SEMA3A: variants seen among roughly 807,000 people sequenced by gnomAD.
SEMA3A encodes the protein semaphorin-3A.
Under a neutral mutation model 97.9 loss-of-function variants are expected in SEMA3A, and 29 were observed. The observed-to-expected ratio is 0.30, with a 90% confidence interval of 0.22 to 0.40. The LOEUF is 0.40. Among genes scored for constraint, SEMA3A ranks in the 10% least tolerant of loss-of-function variants. The pLI, the probability that SEMA3A is intolerant of heterozygous loss-of-function variation, is 1.00. For missense variants in SEMA3A, 763 were observed against 951.3 expected, an observed-to-expected ratio of 0.80 and a Z score of 2.60; for synonymous variants, 321 against 323.7, an observed-to-expected ratio of 0.99 and a Z score of 0.09.
chr7:84,462,607 T>C (rs993073116), intron 1 of SEMA3A, among the ~76,000 whole-genome samples: 16 of 152,146 alleles, frequency 1.1e-4, no homozygotes, highest in African/African-American at 3.9e-4. Flanking sequence ...TAATTAGTCA[T>C]GTTCCTTAGA....
Position 84,403,675 on chromosome 7 carries a change from G to A in SEMA3A, c.-245-31775C>T, listed in dbSNP as rs576492921. Reference sequence around the variant, plus strand: ...GGGCGGACTGACACCTCACACAGCCGGGTACTCCTCTGAGACAAAACTTCC... The same window carrying A: ...GGGCGGACTGACACCTCACACAGCCAGGTACTCCTCTGAGACAAAACTTCC... On this transcript the variant is annotated intron_variant, in intron 1 of 3. Coordinates refer to the SEMA3A transcript ENST00000424555. Among the ~76,000 whole-genome samples, 476 of 152,204 alleles carry A rather than the reference G, an allele frequency of 3.1e-3. 3 individuals are homozygous for A. Among genetic ancestry groups the A allele is most frequent in the African/African-American group, 0.011 (440 of 41,534 alleles).
intron 4 of SEMA3A, among the ~76,000 whole-genome samples, chr7:84,073,863 T>TAAA (rs57789538): frequency 0.082 from 8,337 of 101,290 alleles, 860 homozygotes; most frequent in African/African-American, 0.24. Context: ...TAAAAAAAGC[T>TAAA]AAAAAAAAAA....
chr7:84,027,634 A>G (rs1791595441), intron 6 of SEMA3A, among the ~76,000 whole-genome samples: 1 of 152,218 alleles, frequency 6.6e-6, no homozygotes, highest in Non-Finnish European at 1.5e-5. Context: ...CTTGAACTCA[A>G]ACAGACACTA....
At position 84,206,168 on chromosome 7, in the gene SEMA3A, C is replaced by A. The variant is rs539698712; in HGVS notation, c.-82-11500G>T. Among the ~76,000 whole-genome samples, 17 of 152,224 alleles carry A rather than the reference C, an allele frequency of 1.1e-4. No homozygotes were observed. In the East Asian group the frequency reaches 3.3e-3, roughly 29 times the overall value. ...AATTTCATAAAAATTACATGATTGA[C>A]ACTATGGCATTCTTCCCATTCTGAT... On this transcript the variant is annotated intron_variant, in intron 3 of 3. Transcript: ENST00000424555.
At chr7:84,052,642 T>C (rs1416601935) in intron 5 of SEMA3A, among the ~76,000 whole-genome samples, 1 of 152,158 alleles carries the variant, frequency 6.6e-6, no homozygotes, top group Non-Finnish European at 1.5e-5. Flanking sequence ...ATCAATTTTG[T>C]TGATCCTTTC....
At chr7:84,144,077 A>C (rs114936837) in intron 1 of SEMA3A, among the ~76,000 whole-genome samples, 180 of 152,024 alleles carry the variant, frequency 1.2e-3, no homozygotes, top group African/African-American at 4.3e-3. Context: ...AAAGGTATGA[A>C]TACCAGACTA....
chr7:84,171,816 A>G (rs1797391735), intron 1 of SEMA3A, among the ~76,000 whole-genome samples: 1 of 152,186 alleles, frequency 6.6e-6, no homozygotes, highest in South Asian at 2.1e-4. Context: ...TTTTTTTACT[A>G]AAAATTACAT....
intron 2 of SEMA3A, among the ~76,000 whole-genome samples, chr7:84,346,161 G>C (rs1802295053): frequency 6.6e-6 from 1 of 152,148 alleles, no homozygotes; most frequent in Non-Finnish European, 1.5e-5. Context: ...TTCTTCTTCA[G>C]CCTCCTCATC....
intron 1 of SEMA3A, among the ~76,000 whole-genome samples, chr7:84,192,717 A>T (rs1340734442): frequency 6.6e-6 from 1 of 151,980 alleles, no homozygotes; most frequent in African/African-American, 2.4e-5. Context: ...AAAATAAAAA[A>T]GTTTAATTCC....
intron 1 of SEMA3A, among the ~76,000 whole-genome samples, chr7:84,490,324 G>A (rs34884463): frequency 0.014 from 2,075 of 151,722 alleles, 26 homozygotes; most frequent in Non-Finnish European, 0.022. Flanking sequence ...ACTTGTCAAT[G>A]ATTTTTCGCC....
At chr7:84,382,700 TCCAAAAAAAAAAAA>T (rs1282054678) in intron 1 of SEMA3A, among the ~76,000 whole-genome samples, 4 of 17,410 alleles carry the variant, frequency 2.3e-4, no homozygotes, top group Non-Finnish European at 3.8e-4. Flanking sequence ...CTACTAAAAA[TCCAAAAAAAAAAAA>T]AAAAAAAAAA....
intron 2 of SEMA3A, among the ~76,000 whole-genome samples, chr7:84,134,175 T>A (rs1284275080): frequency 3.9e-5 from 6 of 152,208 alleles, no homozygotes; most frequent in African/African-American, 9.6e-5. Context: ...ACCACATTTT[T>A]AAAAATCTGA....
intron 1 of SEMA3A, among the ~76,000 whole-genome samples, chr7:84,390,971 T>C (rs932819111): frequency 3.3e-5 from 5 of 152,148 alleles, no homozygotes; most frequent in African/African-American, 9.7e-5. Flanking sequence ...AAAGTACATA[T>C]GGTTTTGTTA....
At chr7:84,012,639 T>C (rs1489494767) in intron 7 of SEMA3A, among the ~76,000 whole-genome samples, 1 of 152,236 alleles carries the variant, frequency 6.6e-6, no homozygotes, top group Non-Finnish European at 1.5e-5. Flanking sequence ...AAGCAATTTA[T>C]ATTTTACAAA....
At chr7:83,994,435 A>C (rs1584519978) in intron 12 of SEMA3A, among the ~76,000 whole-genome samples, 2 of 120,340 alleles carry the variant, frequency 1.7e-5, no homozygotes, top group African/African-American at 6.1e-5. Context: ...TTTTTTCCCC[A>C]TCTTTGTGGT....
intron 4 of SEMA3A, among the ~76,000 whole-genome samples, chr7:84,078,590 T>C (rs1022808152): frequency 5.3e-5 from 8 of 152,068 alleles, no homozygotes; most frequent in African/African-American, 1.7e-4. Flanking sequence ...GTGGAGGTAC[T>C]ATATAGTTTA....
chr7:84,066,104 G>T (rs1294882736), intron 4 of SEMA3A, among the ~76,000 whole-genome samples: 1 of 151,470 alleles, frequency 6.6e-6, no homozygotes, highest in South Asian at 2.1e-4. Flanking sequence ...TGGGATGCAA[G>T]GCTGGTTTAA....
chr7:83,967,920 TATC>T (rs1288279421), intron 15 of SEMA3A, among the ~76,000 whole-genome samples: 1 of 152,208 alleles, frequency 6.6e-6, no homozygotes, highest in Non-Finnish European at 1.5e-5. Flanking sequence ...TTTAAACATT[TATC>T]ATTTCTTTGT....
rs1790625725 is a variant in SEMA3A, at chr7:84,005,438, T to C, written c.1261A>G (p.Ile421Val). 3.1e-6 allele frequency: 5 copies of C among 1,613,872 alleles called. No homozygotes were observed. The highest frequency in any genetic ancestry group is 4.2e-6 in the Non-Finnish European group (5 of 1,179,798). The change falls in exon 11 of 17, where the codon ATA (isoleucine) becomes GTA (valine). Residue 421 changes from isoleucine to valine, a missense_variant. By Grantham distance (29) the Ile-to-Val change is conservative. Around this residue, in one of 2 missense-constraint regions of SEMA3A, gnomAD observed 678 missense variants for 881.3 expected, o/e 0.77. Coordinates refer to ENST00000265362, the MANE Select transcript of SEMA3A (RefSeq NM_006080.3). ...TAATTTACATCCGTTTTGATCACTA[T>C]TGGGCGATTGTTCATAGGAAACACT... ...NPVFPMNNRP[I>V]VIKTDVNYQF...
Sources: allele counts gnomAD v4.1 joint callset (sites outside exome capture counted in the v4.1 genomes callset), GRCh38; gene constraint gnomAD v4.1.1; regional missense constraint gnomAD v4.1.1; transcripts MANE v1.5; gene names NCBI Gene and HGNC (gene_info 2026-07-23, HGNC 2026-07-21).